Variants in PLCH1 observed in about 807,000 individuals in gnomAD.
PLCH1 encodes the protein 1-phosphatidylinositol 4,5-bisphosphate phosphodiesterase eta-1.
Under a neutral mutation model 126.7 loss-of-function variants are expected in PLCH1, and 60 were observed. That is an observed-to-expected ratio of 0.47 (90% CI 0.38 to 0.59). The LOEUF (loss-of-function observed/expected upper bound fraction) is 0.59, where lower values mean the gene tolerates loss of function less well. Ranked by LOEUF, PLCH1 falls within the 20% of genes least tolerant of loss-of-function variation. The probability of loss-of-function intolerance (pLI) is 0.00; values close to 1 mark genes in which losing one functional copy is unlikely to be tolerated. For synonymous variants in PLCH1, 719 were observed against 734.9 expected, an observed-to-expected ratio of 0.98 and a Z score of 0.35; for missense variants, 1,723 against 2,040.0, an observed-to-expected ratio of 0.84 and a Z score of 2.99.
intron 21 of PLCH1, among the ~76,000 whole-genome samples, 183 bp downstream of exon 21, chr3:155,487,845 G>A (rs1288675885): frequency 6.6e-6 from 1 of 152,226 alleles, no homozygotes; most frequent in African/African-American, 2.4e-5. Context: ...ACCTTAAATA[G>A]TGAAAAGAGT....
intron 2 of PLCH1, chr3:155,676,179 TCA>T: frequency 1.5e-6 from 2 of 1,338,958 alleles, no homozygotes; most frequent in Non-Finnish European, 1.9e-6. Flanking sequence ...AGAACTTGGC[TCA>T]TGCTGCCCTT....
chr3:155,568,035 G>T (rs1183899508), intron 7 of PLCH1, among the ~76,000 whole-genome samples, 196 bp downstream of exon 7: 3 of 152,190 alleles, frequency 2.0e-5, no homozygotes, highest in Admixed American at 6.5e-5. Flanking sequence ...TATGGGCATT[G>T]CAAAAGTAAG....
rs1050299375 is a variant in PLCH1, at chr3:155,686,923, G to A, written c.79+17223C>T. Among the ~76,000 whole-genome samples, 5 of 152,148 alleles carry A rather than the reference G, an allele frequency of 3.3e-5. No individual in the cohort carries two copies. The South Asian group carries it at 8.3e-4, about 25-fold the overall frequency. On this transcript the variant is annotated intron_variant, in intron 2 of 22. Transcript: ENST00000460012. ...ACTCTCTAAAATACTCGCAGTAAATGTATACTCTCCTAAAGGTGAAAGTGT... is the reference window on the plus strand; with the variant it reads ...ACTCTCTAAAATACTCGCAGTAAATATATACTCTCCTAAAGGTGAAAGTGT...
At position 155,482,315 on chromosome 3, in the gene PLCH1, T is replaced by C. The variant is rs756736420; in HGVS notation, c.3711A>G (p.Gly1237=). ...KMPIKHGFCK[G]KSKSSFLCSS... ...AGCACAGGAAGGAAGACTTGGATTT[T>C]CCCTTGCAAAAACCATGCTTGATGG... Residue 1237 remains glycine (G), a synonymous_variant, in exon 23 of 23, where the codon GGA becomes GGG. Transcript: ENST00000460012. 1 of 1,614,148 alleles carries C rather than the reference T, an allele frequency of 6.2e-7. No individual in the cohort carries two copies. Among genetic ancestry groups the C allele is most frequent in the Non-Finnish European group, 8.5e-7 (1 of 1,180,018 alleles).
chr3:155,592,658 A>G (rs1732362349), intron 4 of PLCH1, among the ~76,000 whole-genome samples: 1 of 152,218 alleles, frequency 6.6e-6, no homozygotes, highest in African/African-American at 2.4e-5. Context: ...CTCTGATGAC[A>G]TCACTGAACC....
At chr3:155,737,568 G>A (rs559255428) in intron 1 of PLCH1, among the ~76,000 whole-genome samples, 8 of 152,096 alleles carry the variant, frequency 5.3e-5, no homozygotes, top group African/African-American at 1.7e-4. Flanking sequence ...AAATCAGAGG[G>A]TCTTCACATA....
chr3:155,692,983 C>T (rs895671898), intron 2 of PLCH1, among the ~76,000 whole-genome samples: 4 of 151,814 alleles, frequency 2.6e-5, no homozygotes, highest in East Asian at 2.0e-4. Context: ...GGGGTTTCAC[C>T]GTGTTAACCA....
chr3:155,647,355 C>T (rs1740177213), intron 2 of PLCH1, among the ~76,000 whole-genome samples: 1 of 151,874 alleles, frequency 6.6e-6, no homozygotes, highest in Non-Finnish European at 1.5e-5. Context: ...AGACGCTTGA[C>T]TGCCTCATTC....
intron 21 of PLCH1, among the ~76,000 whole-genome samples, chr3:155,471,910 T>C (rs1576768636): frequency 6.6e-6 from 1 of 151,868 alleles, no homozygotes; most frequent in East Asian, 1.9e-4. Flanking sequence ...CCAGAATCTC[T>C]GGGATGCATT....
chr3:155,497,808 A>G (rs998650434), intron 14 of PLCH1, among the ~76,000 whole-genome samples: 11 of 152,078 alleles, frequency 7.2e-5, no homozygotes, highest in Non-Finnish European at 1.2e-4. Context: ...TCTGCCTCCC[A>G]GGTTCAAGTG....
At chr3:155,467,846 G>T (rs1198397879) in intron 21 of PLCH1, among the ~76,000 whole-genome samples, 1 of 152,294 alleles carries the variant, frequency 6.6e-6, no homozygotes, top group African/African-American at 2.4e-5. Context: ...TATAAGAAAT[G>T]TTAAAGGGAA....
chr3:155,469,167 G>A lies in PLCH1; in HGVS notation c.2938+16189C>T, dbSNP rs186721305. The stretch of plus-strand genomic sequence containing the variant: ...TTCTGCATTTCCATCTGAGGTACCG[G>A]GTTCATCTCACTAGGGAGTTACAGA... On this transcript the variant is annotated intron_variant, in intron 21 of 21. Transcript: ENST00000494598. Among the ~76,000 whole-genome samples, 313 of 152,292 alleles carry A rather than the reference G, an allele frequency of 2.1e-3. 4 individuals are homozygous for A. Among genetic ancestry groups the A allele is most frequent in the African/African-American group, 7.4e-3 (307 of 41,566 alleles).
Position 155,586,193 on chromosome 3 carries a change from A to G in PLCH1, c.472T>C (p.Trp158Arg), listed in dbSNP as rs2108608300. The G allele has an allele frequency of 1.2e-6, 2 of 1,614,094 alleles. No homozygotes were observed. Among genetic ancestry groups the G allele is most frequent in the East Asian group, 4.5e-5 (2 of 44,878 alleles). ...LAKRQRTHDQ[W>R]VKQTFEEADK... is the part of the protein sequence containing the mutation. ...GCTTCCTCAAAGGTCTGCTTCACCC[A>G]TGTGCAGAAAGGTCAAAGAAAACAC... Residue 158 changes from tryptophan (W) to arginine (R), a missense_variant and splice_region_variant, in exon 5 of 23, where the codon TGG becomes CGG. By Grantham distance (101) the Trp-to-Arg change is moderately radical. This residue lies in a region of PLCH1 where 776 missense variants were observed against 1,062.9 expected (regional missense o/e 0.73). Coordinates refer to ENST00000460012, the MANE Select transcript of PLCH1 (RefSeq NM_014996.4).
Position 155,482,244 on chromosome 3 carries a change from T to G in PLCH1, c.3782A>C (p.His1261Pro), listed in dbSNP as rs1436868214. 1 of 1,614,150 alleles carries G rather than the reference T, an allele frequency of 6.2e-7. No individual in the cohort carries two copies. The highest frequency in any genetic ancestry group is 8.5e-7 in the Non-Finnish European group (1 of 1,180,016). Reference protein sequence around the residue: ...IALSSSETTKHATNTVYETTC... With the variant: ...IALSSSETTKPATNTVYETTC... ...AGTTTCATAAACTGTGTTCGTTGCATGTTTGGTGGTCTCAGAACTCGAGAG... is the reference window on the plus strand; with the variant it reads ...AGTTTCATAAACTGTGTTCGTTGCAGGTTTGGTGGTCTCAGAACTCGAGAG... Residue 1261 changes from histidine to proline, a missense_variant, in exon 23 of 23, where the codon CAT becomes CCT. Coordinates refer to ENST00000460012, the MANE Select transcript of PLCH1 (RefSeq NM_014996.4).
At chr3:155,499,861 C>T (rs1215676476) in intron 14 of PLCH1, among the ~76,000 whole-genome samples, 2 of 152,170 alleles carry the variant, frequency 1.3e-5, no homozygotes, top group Non-Finnish European at 2.9e-5. Flanking sequence ...CCACACACAT[C>T]TCCTCTGCCC....
At chr3:155,607,175 A>G (rs1250370525) in intron 2 of PLCH1, among the ~76,000 whole-genome samples, 1 of 152,206 alleles carries the variant, frequency 6.6e-6, no homozygotes, top group Non-Finnish European at 1.5e-5. Flanking sequence ...TGTTTAGGGC[A>G]GGAAGCAAGT....
At chr3:155,471,349 A>C (rs1478022592) in intron 21 of PLCH1, among the ~76,000 whole-genome samples, 1 of 152,148 alleles carries the variant, frequency 6.6e-6, no homozygotes, top group Non-Finnish European at 1.5e-5. Flanking sequence ...CATAATGGTA[A>C]AGGGATCAAT....
chr3:155,497,321 G>T lies in PLCH1; in HGVS notation c.1893C>A (p.Asp631Glu). The change falls in exon 15 of 23, where the codon GAC becomes GAA. Residue 631 changes from aspartate to glutamate, a missense_variant and splice_region_variant. Transcript: ENST00000460012. ...AATGAGAAAACTCTCCATCCTTACCGTCATCCACAATGTCCTGAGCGGCCA... is the reference window on the plus strand; with the variant it reads ...AATGAGAAAACTCTCCATCCTTACCTTCATCCACAATGTCCTGAGCGGCCA... Reference protein sequence around the residue: ...NSVAAQDIVDDGTTGNVLSFS... With the variant: ...NSVAAQDIVDEGTTGNVLSFS... The T allele has an allele frequency of 6.3e-7, 1 of 1,589,418 alleles. No homozygotes were observed. Among genetic ancestry groups the T allele is most frequent in the Non-Finnish European group, 8.6e-7 (1 of 1,157,654 alleles).
chr3:155,591,466 G>A (rs1732163336), intron 4 of PLCH1, among the ~76,000 whole-genome samples: 1 of 152,222 alleles, frequency 6.6e-6, no homozygotes, highest in Non-Finnish European at 1.5e-5. Flanking sequence ...TCAAAACAAC[G>A]TATCGCAACA....
Sources: allele counts gnomAD v4.1 joint callset (sites outside exome capture counted in the v4.1 genomes callset), GRCh38; gene constraint gnomAD v4.1.1; regional missense constraint gnomAD v4.1.1; transcripts MANE v1.5; gene names NCBI Gene and HGNC (gene_info 2026-07-23, HGNC 2026-07-21).